The following ZBTB38 variants were observed in gnomAD, a reference collection of about 807,000 sequenced individuals.
ZBTB38 encodes the protein zinc finger and BTB domain containing 38.
A neutral mutation model predicts 76.8 loss-of-function variants in ZBTB38; 20 were observed. The ratio of observed to expected loss-of-function variants is 0.26; its 90% CI spans 0.18 to 0.38. The LOEUF (loss-of-function observed/expected upper bound fraction) is 0.38. Ranked by LOEUF, ZBTB38 falls within the 10% of genes least tolerant of loss-of-function variation. The pLI is 1.00. For missense variants in ZBTB38, 1,082 were observed against 1,482.3 expected (o/e 0.73, Z 4.43); for synonymous variants, 504 against 544.2 (o/e 0.93, Z 1.03).
chr3:141,332,024 G>A (rs184080635), intron 1 of ZBTB38, among the ~76,000 whole-genome samples: 2 of 152,328 alleles, frequency 1.3e-5, no homozygotes, highest in East Asian at 3.9e-4. Flanking sequence ...GCGGGGAATT[G>A]TGTCACCAAC....
In ZBTB38 at chr3:141,448,148, A is replaced by G. The variant is rs2081233771; in HGVS notation, c.*2172A>G. On this transcript the variant is annotated 3_prime_UTR_variant, in exon 6 of 6. Transcript: ENST00000321464. ...ATTCTAGTCATTTTGATTTGAGTTAACCCCAAATATAAAATTACCTGTAGT... is the reference window on the plus strand; with the variant it reads ...ATTCTAGTCATTTTGATTTGAGTTAGCCCCAAATATAAAATTACCTGTAGT... 1 of 152,602 alleles carries G rather than the reference A, an allele frequency of 6.6e-6. No individual in the cohort carries two copies. The highest frequency in any genetic ancestry group is 2.4e-5 in the African/African-American group (1 of 41,434). The allele number at this position is 152,602 out of a possible 1,614,324, so 9.5% of individuals were successfully genotyped here.
In ZBTB38 at chr3:141,449,294, C is replaced by T. The variant is rs1446534913; in HGVS notation, c.*3318C>T. ...CTTTAGGATGGCAGTTAGTGACTGC[C>T]CTGGAACAGGATTAAAGGAGGCTGT... On this transcript the variant is annotated 3_prime_UTR_variant, in exon 6 of 6. Transcript: ENST00000321464. 6.6e-6 allele frequency: 1 copy of T among 152,080 alleles called. No homozygotes were observed. The highest frequency in any genetic ancestry group is 1.5e-5 in the Non-Finnish European group (1 of 68,000). The allele number at this position is 152,080 out of a possible 1,614,324, so 9.4% of individuals were successfully genotyped here.
chr3:141,350,013 A>C (rs77821999), intron 1 of ZBTB38, among the ~76,000 whole-genome samples: 8 of 152,352 alleles, frequency 5.3e-5, no homozygotes, highest in Non-Finnish European at 8.8e-5. Flanking sequence ...TCTCCCAAAG[A>C]GGACAAAAAG....
chr3:141,393,342 G>A (rs948636373), intron 4 of ZBTB38, among the ~76,000 whole-genome samples: 8 of 152,204 alleles, frequency 5.3e-5, no homozygotes, highest in South Asian at 4.1e-4. Flanking sequence ...TGAGCATGAC[G>A]TAGAGTCCCT....
At chr3:141,390,973 A>G (rs1206249535) in intron 4 of ZBTB38, among the ~76,000 whole-genome samples, 1 of 152,136 alleles carries the variant, frequency 6.6e-6, no homozygotes, top group African/African-American at 2.4e-5. Flanking sequence ...TGGGCAACAT[A>G]GCAAGACCCC....
chr3:141,424,551 C>CT (rs979515273), intron 5 of ZBTB38, among the ~76,000 whole-genome samples: 5 of 152,008 alleles, frequency 3.3e-5, no homozygotes, highest in African/African-American at 1.2e-4. Context: ...ATAATAATTC[C>CT]TTTTTCCATT....
intron 4 of ZBTB38, among the ~76,000 whole-genome samples, chr3:141,402,127 C>T (rs552600936): frequency 1.2e-4 from 18 of 152,316 alleles, no homozygotes; most frequent in Admixed American, 1.3e-4. Flanking sequence ...CCGCTGCCTC[C>T]TTGGTGGGGG....
At chr3:141,437,336 G>A (rs753812926) in intron 5 of ZBTB38, among the ~76,000 whole-genome samples, 3 of 152,026 alleles carry the variant, frequency 2.0e-5, no homozygotes, top group Non-Finnish European at 4.4e-5. Context: ...TACATACCAC[G>A]TCCTTCTGCC....
At chr3:141,347,930 A>G (rs972955052) in intron 1 of ZBTB38, among the ~76,000 whole-genome samples, 9 of 152,330 alleles carry the variant, frequency 5.9e-5, no homozygotes, top group Middle Eastern at 3.4e-3. Flanking sequence ...TCCTTCTGTT[A>G]TAAATACATG....
At chr3:141,379,710 A>G (rs1305323594) in intron 2 of ZBTB38, among the ~76,000 whole-genome samples, 2 of 152,216 alleles carry the variant, frequency 1.3e-5, no homozygotes, top group Non-Finnish European at 2.9e-5. Flanking sequence ...TTAGCCGTTC[A>G]TGCTAAATCA....
chr3:141,357,480 T>A (rs1208847127), intron 1 of ZBTB38, among the ~76,000 whole-genome samples: 1 of 152,206 alleles, frequency 6.6e-6, no homozygotes, highest in African/African-American at 2.4e-5. Flanking sequence ...TATTTTTCCA[T>A]TTGGTATTTT....
intron 5 of ZBTB38, chr3:141,432,268 C>A: frequency 1.0e-6 from 1 of 985,332 alleles, no homozygotes; most frequent in Non-Finnish European, 1.2e-6. Flanking sequence ...ACAGTGCGTT[C>A]TTTTTTTAGT....
chr3:141,421,491 GT>G (rs758565904), intron 5 of ZBTB38, among the ~76,000 whole-genome samples: 2 of 151,878 alleles, frequency 1.3e-5, no homozygotes, highest in Admixed American at 1.3e-4. Flanking sequence ...AGTTTTTTGG[GT>G]TTTTTTGTTT....
chr3:141,345,213 G>A (rs1943313146), intron 1 of ZBTB38, among the ~76,000 whole-genome samples: 1 of 152,142 alleles, frequency 6.6e-6, no homozygotes, highest in South Asian at 2.1e-4. Flanking sequence ...GGCTTAGGAA[G>A]AAGCTCTAGT....
chr3:141,390,382 C>T (rs1389127091), intron 4 of ZBTB38, among the ~76,000 whole-genome samples: 1 of 152,152 alleles, frequency 6.6e-6, no homozygotes, highest in East Asian at 1.9e-4. Flanking sequence ...CTCACCAAAA[C>T]AAAATGGGCA....
At chr3:141,402,185 C>G (rs1176919100) in intron 4 of ZBTB38, among the ~76,000 whole-genome samples, 1 of 152,152 alleles carries the variant, frequency 6.6e-6, no homozygotes, top group South Asian at 2.1e-4. Flanking sequence ...GGGGCCCTCA[C>G]GGGTCCCGCC....
intron 5 of ZBTB38, among the ~76,000 whole-genome samples, chr3:141,412,975 C>T (rs72990324): frequency 0.032 from 4,860 of 152,286 alleles, 248 homozygotes; most frequent in African/African-American, 0.11. Flanking sequence ...TATGAAGAGG[C>T]GACTTTCACA....
intron 1 of ZBTB38, among the ~76,000 whole-genome samples, chr3:141,334,347 C>T (rs372669103): frequency 2.0e-5 from 3 of 151,962 alleles, no homozygotes; most frequent in Admixed American, 1.3e-4. Flanking sequence ...AACATTAAAT[C>T]GCCTCCCTGC....
chr3:141,445,833 T>A lies in ZBTB38; in HGVS notation c.3445T>A (p.Phe1149Ile), dbSNP rs200635055. The change falls in exon 6 of 6, where the codon TTC becomes ATC. Residue 1149 changes from phenylalanine (F) to isoleucine (I), a missense_variant. This residue lies in a region of ZBTB38 where 54 missense variants were observed against 57.9 expected (regional missense o/e 0.93). Transcript: ENST00000321464. The surrounding 1 kb of genome is among the most constrained non-coding windows in gnomAD (Gnocchi z 6.5). Reference sequence around the variant, plus strand: ...TGGAATGCACCAAAAGAAACACTTATTCAAAAGCCCAAGTCAGCAGGAGAA... The same window carrying A: ...TGGAATGCACCAAAAGAAACACTTAATCAAAAGCCCAAGTCAGCAGGAGAA... ...ALGMHQKKHL[F>I]KSPSQQEKIG... The A allele has an allele frequency of 4.3e-6, 7 of 1,614,134 alleles. No individual in the cohort carries two copies. In the South Asian group the frequency reaches 7.7e-5, roughly 18 times the overall value.
Sources: gnomAD v4.1 joint callset for allele counts (sites outside exome capture counted in the v4.1 genomes callset) on GRCh38, gnomAD v4.1.1 for gene constraint, gnomAD v4.1.1 regional missense constraint, Gnocchi (gnomAD v3.1) non-coding constraint, MANE v1.5 for transcripts, NCBI Gene and HGNC (gene_info 2026-07-23, HGNC 2026-07-21) for gene names.